Variants in SLC1A3 observed in about 807,000 individuals in gnomAD.
The protein encoded by SLC1A3 is solute carrier family 1 member 3, also known as excitatory amino acid transporter 1.
SLC1A3 carries 21 observed loss-of-function variants against 48.1 expected under a neutral mutation model. That is an observed-to-expected ratio of 0.44 (90% CI 0.31 to 0.63). SLC1A3 has a LOEUF of 0.63. Among genes scored for constraint, SLC1A3 ranks in the 20% least tolerant of loss-of-function variants. The pLI, the probability that SLC1A3 is intolerant of heterozygous loss-of-function variation, is 0.08. For missense variants in SLC1A3, 546 were observed against 689.0 expected, an observed-to-expected ratio of 0.79 and a Z score of 2.32; for synonymous variants, 239 against 251.4, an observed-to-expected ratio of 0.95 and a Z score of 0.47.
At chr5:36,660,412 CGTAA>C (rs1275354627) in intron 3 of SLC1A3, among the ~76,000 whole-genome samples, 2 of 152,040 alleles carry the variant, frequency 1.3e-5, no homozygotes, top group African/African-American at 4.8e-5. Flanking sequence ...AAACTATGCA[CGTAA>C]GTATTACAAA....
chr5:36,647,085 A>G (rs763914850), intron 3 of SLC1A3, among the ~76,000 whole-genome samples: 2 of 152,248 alleles, frequency 1.3e-5, no homozygotes, highest in African/African-American at 2.4e-5. Flanking sequence ...GCCAAGATGT[A>G]TCTATTCTAA....
upstream of SLC1A3, among the ~76,000 whole-genome samples, chr5:36,605,424 A>G (rs887572927): frequency 1.3e-5 from 2 of 152,212 alleles, no homozygotes; most frequent in Non-Finnish European, 2.9e-5. Flanking sequence ...AAGCATTGAC[A>G]TGATTCACCA....
chr5:36,640,198 A>C (rs960384804), intron 3 of SLC1A3, among the ~76,000 whole-genome samples: 5 of 152,226 alleles, frequency 3.3e-5, no homozygotes, highest in Non-Finnish European at 7.3e-5. Flanking sequence ...TTCTCTGCTG[A>C]AGGACGGATT....
chr5:36,677,418 C>A (rs1742258593), intron 6 of SLC1A3, among the ~76,000 whole-genome samples: 1 of 152,230 alleles, frequency 6.6e-6, no homozygotes, highest in African/African-American at 2.4e-5. Flanking sequence ...CCTTTTACCC[C>A]AGTGCTGATG....
upstream of SLC1A3, among the ~76,000 whole-genome samples, chr5:36,605,786 A>T (rs1738911623): frequency 6.6e-6 from 1 of 152,206 alleles, no homozygotes; most frequent in African/African-American, 2.4e-5. Flanking sequence ...TAGAAGCTCA[A>T]GTTACCTTCT....
chr5:36,685,415 T>C (rs2111988246), intron 9 of SLC1A3, among the ~76,000 whole-genome samples: 1 of 152,270 alleles, frequency 6.6e-6, no homozygotes, highest in South Asian at 2.1e-4. Context: ...TAGCTGGGAT[T>C]AGAGGCGCCC....
intron 2 of SLC1A3, among the ~76,000 whole-genome samples, chr5:36,611,001 A>T (rs1055697778): frequency 6.6e-6 from 1 of 152,224 alleles, no homozygotes; most frequent in Non-Finnish European, 1.5e-5. Flanking sequence ...GAGAGAAGGA[A>T]GAACCCTTCA....
intron 1 of SLC1A3, 22 bp from the exon 2 acceptor site, chr5:36,608,307 G>T (rs55864951): frequency 2.1e-5 from 19 of 919,746 alleles, no homozygotes; most frequent in Non-Finnish European, 2.7e-5. Flanking sequence ...TATAACTCAT[G>T]TCTCTTTTTC....
intron 3 of SLC1A3, among the ~76,000 whole-genome samples, chr5:36,651,762 C>T (rs958180812): frequency 6.6e-6 from 1 of 152,082 alleles, no homozygotes; most frequent in East Asian, 1.9e-4. Flanking sequence ...TTGTTCAGCT[C>T]TCCATCCCTG....
chr5:36,610,710 T>C (rs967890828), intron 2 of SLC1A3, among the ~76,000 whole-genome samples: 4 of 152,168 alleles, frequency 2.6e-5, no homozygotes, highest in Admixed American at 1.3e-4. Context: ...TCATCCCTAG[T>C]CTATTTTTCT....
chr5:36,628,736 G>A (rs1047736789), intron 2 of SLC1A3, among the ~76,000 whole-genome samples: 1 of 152,156 alleles, frequency 6.6e-6, no homozygotes, highest in East Asian at 1.9e-4. Context: ...TAAAGTTTCA[G>A]TTGTAGAGGG....
intron 2 of SLC1A3, among the ~76,000 whole-genome samples, chr5:36,616,599 C>G (rs1739445844): frequency 6.6e-6 from 1 of 152,238 alleles, no homozygotes; most frequent in Admixed American, 6.5e-5. Context: ...ACAGAGAAGA[C>G]AGCCGGCTGT....
chr5:36,664,760 T>G (rs1741663190), intron 3 of SLC1A3, among the ~76,000 whole-genome samples: 5 of 152,212 alleles, frequency 3.3e-5, no homozygotes, highest in Admixed American at 3.3e-4. Flanking sequence ...CTATTTTAAT[T>G]TACTCATTCA....
chr5:36,681,670 C>G (rs935418521), intron 8 of SLC1A3, among the ~76,000 whole-genome samples: 1 of 152,208 alleles, frequency 6.6e-6, no homozygotes, highest in Admixed American at 6.5e-5. Context: ...TCCAGAGATA[C>G]GCCAGGCATA....
At chr5:36,651,139 T>A (rs868433706) in intron 3 of SLC1A3, among the ~76,000 whole-genome samples, 248 of 68,446 alleles carry the variant, frequency 3.6e-3, no homozygotes, top group Non-Finnish European at 5.3e-3. Context: ...CTAAGTTTTT[T>A]TTAAAAAAAA....
intron 3 of SLC1A3, among the ~76,000 whole-genome samples, chr5:36,652,556 G>T (rs1228387163): frequency 6.6e-6 from 1 of 152,194 alleles, no homozygotes; most frequent in Admixed American, 6.5e-5. Context: ...AATAACAGGT[G>T]TACAGTTACA....
rs1365450818 is a variant in SLC1A3, at chr5:36,686,787, C to T, written c.*518C>T. Reference sequence around the variant, plus strand: ...TCATTAGTAGCTAGGTGCACATATACATCTAGCACAGCTGTGAGGACAGAC... The same window carrying T: ...TCATTAGTAGCTAGGTGCACATATATATCTAGCACAGCTGTGAGGACAGAC... On this transcript the variant is annotated 3_prime_UTR_variant, in exon 10 of 10. Coordinates refer to ENST00000265113, the MANE Select transcript of SLC1A3 (RefSeq NM_004172.5). 2.0e-5 allele frequency: 4 copies of T among 201,898 alleles called. No individual in the cohort carries two copies. The Admixed American group carries it at 2.2e-4, about 11-fold the overall frequency. 12.5% of individuals were successfully genotyped at this position (201,898 alleles called of 1,614,324 possible). A position where few individuals can be genotyped will look rare whatever the true frequency, so the allele number is the denominator to read the frequency against.
chr5:36,601,974 C>T (rs955912360), upstream of SLC1A3, among the ~76,000 whole-genome samples: 3 of 152,090 alleles, frequency 2.0e-5, no homozygotes, highest in Admixed American at 6.5e-5. Context: ...TCCATACAGG[C>T]CCTGCCCTCA....
At chr5:36,678,375 T>G (rs1742296842) in intron 6 of SLC1A3, among the ~76,000 whole-genome samples, 1 of 152,216 alleles carries the variant, frequency 6.6e-6, no homozygotes, top group African/African-American at 2.4e-5. Flanking sequence ...ATCTTCATAT[T>G]ATTAAATGCC....
Sources: allele counts gnomAD v4.1 joint callset (sites outside exome capture counted in the v4.1 genomes callset), GRCh38; gene constraint gnomAD v4.1.1; transcripts MANE v1.5; gene names NCBI Gene and HGNC (gene_info 2026-07-23, HGNC 2026-07-21).